Variants in PIEZO2 observed in about 807,000 individuals in gnomAD.
PIEZO2 encodes the protein piezo type mechanosensitive ion channel component 2.
PIEZO2 carries 172 observed loss-of-function variants against 337.3 expected under a neutral mutation model. That is an observed-to-expected ratio of 0.51 (90% CI 0.45 to 0.58). PIEZO2 has a LOEUF of 0.58. Ranked by LOEUF, PIEZO2 falls within the 20% of genes least tolerant of loss-of-function variation. The pLI is 0.00. For synonymous variants in PIEZO2, 1,251 were observed against 1,228.5 expected, an observed-to-expected ratio of 1.02 and a Z score of -0.38; for missense variants, 3,028 against 3,391.3, an observed-to-expected ratio of 0.89 and a Z score of 2.66.
intron 36 of PIEZO2, among the ~76,000 whole-genome samples, chr18:10,723,216 C>G (rs1390683942): frequency 3.3e-5 from 5 of 152,074 alleles, no homozygotes; most frequent in African/African-American, 4.8e-5. Flanking sequence ...ATCCGCCCAC[C>G]TTAGCCTCCC....
rs1169871980 is a variant in PIEZO2 at position 10,775,379 on chromosome 18, A to C, written c.2535-1341T>G. 6.6e-6 allele frequency among the ~76,000 whole-genome samples: 1 copy of C among 152,174 alleles called. No homozygotes were observed. Among genetic ancestry groups the C allele is most frequent in the African/African-American group, 2.4e-5 (1 of 41,434 alleles). On this transcript the variant is annotated intron_variant, in intron 18 of 55. Transcript: ENST00000674853. The surrounding 1 kb of genome is among the most constrained non-coding windows in gnomAD (Gnocchi z 4.3). ...AAATGTGGAAGTGATCGGCTGCTGC[A>C]CAGTCGTCAGTATGTATTTGTTCTC...
intron 7 of PIEZO2, among the ~76,000 whole-genome samples, chr18:10,823,566 C>T (rs1027167871): frequency 1.2e-4 from 19 of 152,142 alleles, no homozygotes; most frequent in African/African-American, 4.1e-4. Flanking sequence ...TTTTCATTCA[C>T]GCATCCTCAA....
intron 47 of PIEZO2, among the ~76,000 whole-genome samples, chr18:10,691,617 G>A (rs565975053): frequency 6.7e-4 from 102 of 151,542 alleles, no homozygotes; most frequent in African/African-American, 2.3e-3. Context: ...TTATACTGTT[G>A]TTTAGGCCAT....
chr18:11,138,955 G>A (rs1013778039), intron 1 of PIEZO2, among the ~76,000 whole-genome samples: 2 of 152,202 alleles, frequency 1.3e-5, no homozygotes, highest in African/African-American at 4.8e-5. Context: ...CTTCTCGTAA[G>A]CTGATTGGTT....
chr18:11,066,060 C>T, intron 2 of PIEZO2, 67 bp downstream of exon 2: 2 of 1,329,106 alleles, frequency 1.5e-6, no homozygotes, highest in Non-Finnish European at 2.1e-6. Context: ...AAGGCCATCC[C>T]AAGGAGCCCA....
intron 40 of PIEZO2, 96 bp from the exon 41 acceptor site, chr18:10,705,842 G>T: frequency 7.3e-7 from 1 of 1,368,284 alleles, no homozygotes; most frequent in Non-Finnish European, 9.6e-7. Context: ...GAACTCCTAA[G>T]GAAATGCCCC....
At chr18:11,124,286 C>T (rs2040119051) in intron 1 of PIEZO2, among the ~76,000 whole-genome samples, 1 of 152,096 alleles carries the variant, frequency 6.6e-6, no homozygotes, top group Non-Finnish European at 1.5e-5. Flanking sequence ...CTTTCCATTC[C>T]TCTAGGATCA....
intron 5 of PIEZO2, among the ~76,000 whole-genome samples, chr18:10,858,586 G>T (rs2041791259): frequency 6.6e-6 from 1 of 151,984 alleles, no homozygotes; most frequent in Non-Finnish European, 1.5e-5. Context: ...GATATATTTA[G>T]GTCAGATAGT....
At position 11,148,702 on chromosome 18, in the gene PIEZO2, C is replaced by T. The variant is rs1460175573; in HGVS notation, c.-114G>A. 4.1e-5 allele frequency: 48 copies of T among 1,160,652 alleles called. No individual in the cohort carries two copies. The highest frequency in any genetic ancestry group is 5.7e-5 in the Non-Finnish European group (47 of 818,898). 71.9% of individuals were successfully genotyped at this position (1,160,652 alleles called of 1,614,324 possible). A position where few individuals can be genotyped will look rare whatever the true frequency, so the allele number is the denominator to read the frequency against. On this transcript the variant is annotated 5_prime_UTR_variant, in exon 1 of 56. The change creates a new upstream start codon in the 5' untranslated region. Transcript: ENST00000674853. This position sits in a 1 kb window ranked among gnomAD's most constrained non-coding sequence, Gnocchi z 5.2. ...TCTCGCCGCCGGCAGCTCGCAGCCA[C>T]CCGAGCATCGCCTCGGCGCGGGCCG... is the stretch of plus-strand genomic sequence containing the variant.
chr18:11,049,166 A>T (rs532559880), intron 2 of PIEZO2, among the ~76,000 whole-genome samples: 1 of 152,302 alleles, frequency 6.6e-6, no homozygotes, highest in African/African-American at 2.4e-5. Flanking sequence ...TGAGGGCTTT[A>T]TCCATCTCTT....
chr18:11,117,822 T>A (rs1286956637), intron 1 of PIEZO2, among the ~76,000 whole-genome samples: 1 of 152,190 alleles, frequency 6.6e-6, no homozygotes, highest in East Asian at 1.9e-4. Context: ...CAGAGGAGTA[T>A]GAAGTCAGTG....
chr18:11,027,315 C>T lies in PIEZO2; in HGVS notation c.160+38812G>A, dbSNP rs749443375. Among the ~76,000 whole-genome samples, 1 of 152,094 alleles carries T rather than the reference C, an allele frequency of 6.6e-6. No individual in the cohort carries two copies. Among genetic ancestry groups the T allele is most frequent in the Admixed American group, 6.6e-5 (1 of 15,252 alleles). ...AAGGTATAACCGGGCTCTGCTGGAC[C>T]TGTGTGTGAATAAAGGAAGGACTGC... On this transcript the variant is annotated intron_variant, in intron 2 of 55. Transcript: ENST00000674853. This position sits in a 1 kb window ranked among gnomAD's most constrained non-coding sequence, Gnocchi z 4.2.
In PIEZO2 at chr18:10,911,175, C is replaced by G; in HGVS notation, c.329+11G>C. 1.9e-6 allele frequency: 1 copy of G among 535,498 alleles called. No homozygotes were observed. The highest frequency in any genetic ancestry group is 2.9e-6 in the Non-Finnish European group (1 of 341,322). 33.2% of individuals were successfully genotyped at this position (535,498 alleles called of 1,614,324 possible). A position where few individuals can be genotyped will look rare whatever the true frequency, so the allele number is the denominator to read the frequency against. Reference sequence around the variant, plus strand: ...AGTAACTAAAATGGAGACATGCCAACCCTTGCTTACCTTTCAAAGCCGATC... The same window carrying G: ...AGTAACTAAAATGGAGACATGCCAAGCCTTGCTTACCTTTCAAAGCCGATC... On this transcript the variant is annotated intron_variant, in intron 4 of 55. Transcript: ENST00000674853.
In PIEZO2 at chr18:10,759,426, G is replaced by T; in HGVS notation, c.3757+56C>A. On this transcript the variant is annotated intron_variant, in intron 26 of 55. Coordinates refer to ENST00000674853, the MANE Select transcript of PIEZO2 (RefSeq NM_001378183.1). The surrounding 1 kb of genome is among the most constrained non-coding windows in gnomAD (Gnocchi z 5.5). ...CACTAATGCATAGCACGTGAACAAT[G>T]ATTAACAGTAAACCCGGATACCAGC... The T allele has an allele frequency of 1.4e-6, 2 of 1,415,220 alleles. No homozygotes were observed. Among genetic ancestry groups the T allele is most frequent in the Non-Finnish European group, 1.9e-6 (2 of 1,037,938 alleles). 87.7% of individuals were successfully genotyped at this position (1,415,220 alleles called of 1,614,324 possible).
At chr18:10,739,074 G>T (rs2037119230) in intron 33 of PIEZO2, 1 of 152,042 alleles carries the variant, frequency 6.6e-6, no homozygotes, top group Non-Finnish European at 1.5e-5. Context: ...TCAAATTAAG[G>T]GCTTCCAACA....
At chr18:10,898,165 G>A (rs1260329562) in intron 4 of PIEZO2, among the ~76,000 whole-genome samples, 7 of 152,218 alleles carry the variant, frequency 4.6e-5, no homozygotes, top group African/African-American at 1.7e-4. Context: ...TTACCTAAGA[G>A]AGACTCTGTA....
chr18:10,705,832 G>T (rs2035563718), intron 40 of PIEZO2, 86 bp from the exon 41 acceptor site: 2 of 1,400,388 alleles, frequency 1.4e-6, no homozygotes, highest in African/African-American at 1.4e-5. Flanking sequence ...GACCTCATCA[G>T]AACTCCTAAG....
At position 10,696,241 on chromosome 18, in the gene PIEZO2, C is replaced by T. The variant is rs2035076716; in HGVS notation, c.7023G>A (p.Gln2341=). ...ADITSSLSED[Q]VPGPFLVMVL... The stretch of plus-strand genomic sequence containing the variant: ...CCATCACCAAAAACGGCCCCGGGAC[C>T]TGGTCCTCTGACAGTGAAGAGGTGA... Residue 2341 remains glutamine, a synonymous_variant, in exon 47 of 56, where the codon CAG becomes CAA. Coordinates refer to ENST00000674853, the MANE Select transcript of PIEZO2 (RefSeq NM_001378183.1). 1 of 1,614,106 alleles carries T rather than the reference C, an allele frequency of 6.2e-7. No homozygotes were observed. Among genetic ancestry groups the T allele is most frequent in the African/African-American group, 1.3e-5 (1 of 74,942 alleles).
intron 3 of PIEZO2, among the ~76,000 whole-genome samples, chr18:10,912,814 G>A (rs2030598011): frequency 6.6e-6 from 1 of 152,204 alleles, no homozygotes; most frequent in Non-Finnish European, 1.5e-5. Flanking sequence ...GGTCATGATG[G>A]AGTGTTTTAA....
Sources: gnomAD v4.1 joint callset for allele counts (sites outside exome capture counted in the v4.1 genomes callset) on GRCh38, gnomAD v4.1.1 for gene constraint, Gnocchi (gnomAD v3.1) non-coding constraint, MANE v1.5 for transcripts, NCBI Gene and HGNC (gene_info 2026-07-23, HGNC 2026-07-21) for gene names.